ATP2C1: variants seen among roughly 807,000 people sequenced by gnomAD.
ATP2C1 encodes the protein ATPase secretory pathway Ca2+ transporting 1.
A neutral mutation model predicts 120.5 loss-of-function variants in ATP2C1; 31 were observed. That is an observed-to-expected ratio of 0.26 (90% CI 0.19 to 0.35). The LOEUF (loss-of-function observed/expected upper bound fraction) is 0.35, where lower values mean the gene tolerates loss of function less well. Ranked by LOEUF, ATP2C1 falls within the 10% of genes least tolerant of loss-of-function variation. ATP2C1 has a pLI of 1.00. For synonymous variants in ATP2C1, 351 were observed against 358.7 expected (o/e 0.98, Z 0.24); for missense variants, 731 against 1,107.5 (o/e 0.66, Z 4.83).
chr3:130,971,945 T>A (rs1398976191), intron 17 of ATP2C1, among the ~76,000 whole-genome samples: 2 of 152,164 alleles, frequency 1.3e-5, no homozygotes, highest in Non-Finnish European at 2.9e-5. Flanking sequence ...CTACTGTCAT[T>A]CCCTAAGTAA....
intron 17 of ATP2C1, among the ~76,000 whole-genome samples, chr3:130,969,879 G>A (rs1343632028): frequency 2.6e-5 from 4 of 152,168 alleles, no homozygotes; most frequent in East Asian, 1.9e-4. Flanking sequence ...ATGACATACC[G>A]ATATTTTAAG....
chr3:130,928,501 C>T (rs185693539), intron 2 of ATP2C1, among the ~76,000 whole-genome samples: 2 of 152,250 alleles, frequency 1.3e-5, no homozygotes, highest in Admixed American at 1.3e-4. Flanking sequence ...GTAAGGCTGT[C>T]ATATTGCATG....
At chr3:130,866,302 A>G (rs1394786766) in intron 1 of ATP2C1, among the ~76,000 whole-genome samples, 1 of 152,226 alleles carries the variant, frequency 6.6e-6, no homozygotes, top group Non-Finnish European at 1.5e-5. Context: ...TCTGTCCCCA[A>G]CATAAAATTT....
At chr3:130,878,308 A>G (rs1429076450) in intron 1 of ATP2C1, among the ~76,000 whole-genome samples, 1 of 152,208 alleles carries the variant, frequency 6.6e-6, no homozygotes, top group Admixed American at 6.5e-5. Flanking sequence ...TAAAATGTTT[A>G]GCCCTAAGGT....
At chr3:130,890,007 T>C (rs1366046238), upstream of ATP2C1, among the ~76,000 whole-genome samples, 1 of 152,162 alleles carries the variant, frequency 6.6e-6, no homozygotes, top group Non-Finnish European at 1.5e-5. Flanking sequence ...AGCTTGGATT[T>C]TAGTTTGATC....
At chr3:130,865,420 C>T (rs1348650267) in intron 1 of ATP2C1, among the ~76,000 whole-genome samples, 1 of 152,112 alleles carries the variant, frequency 6.6e-6, no homozygotes, top group African/African-American at 2.4e-5. Flanking sequence ...GCTGAAATGG[C>T]TTAAGACTTT....
At position 131,001,488 on chromosome 3, in the gene ATP2C1, T is replaced by C. The variant is rs1268731384; in HGVS notation, c.*138T>C. The C allele has an allele frequency of 2.9e-6, 4 of 1,371,238 alleles. No homozygotes were observed. The highest frequency in any genetic ancestry group is 3.8e-6 in the Non-Finnish European group (4 of 1,061,496). 84.9% of individuals were successfully genotyped at this position (1,371,238 alleles called of 1,614,324 possible). On this transcript the variant is annotated 3_prime_UTR_variant, in exon 28 of 28. Transcript: ENST00000510168. ...AAAAATGAACATTAATGTTAAAGACTTAAGACTTTAACCTGCTGGCAGTCC... is the reference window on the plus strand; with the variant it reads ...AAAAATGAACATTAATGTTAAAGACCTAAGACTTTAACCTGCTGGCAGTCC...
chr3:130,967,382 A>G lies in ATP2C1; in HGVS notation c.1271A>G (p.Lys424Arg). The G allele has an allele frequency of 6.2e-7, 1 of 1,613,784 alleles. No individual in the cohort carries two copies. Among genetic ancestry groups the G allele is most frequent in the Non-Finnish European group, 8.5e-7 (1 of 1,179,762 alleles). Residue 424 changes from lysine (K) to arginine (R), a missense_variant, in exon 16 of 28, where the codon AAG becomes AGG. Transcript: ENST00000510168. ...AVIRNNTLMG[K>R]PTEGALIALA... ...ATTAGAAACAATACTCTAATGGGGAAGCCAACAGAAGGGGCCTTAATTGCT... is the reference window on the plus strand; with the variant it reads ...ATTAGAAACAATACTCTAATGGGGAGGCCAACAGAAGGGGCCTTAATTGCT...
chr3:130,879,433 G>C (rs920569857), intron 1 of ATP2C1, among the ~76,000 whole-genome samples: 67 of 151,908 alleles, frequency 4.4e-4, no homozygotes, highest in Non-Finnish European at 5.6e-4. Flanking sequence ...TTCAGATCCT[G>C]AATTGTTTTC....
At chr3:130,918,430 C>T in intron 2 of ATP2C1, 1 of 971,292 alleles carries the variant, frequency 1.0e-6, no homozygotes, top group Admixed American at 1.7e-5. Context: ...TGTACGGAAT[C>T]CCCACATCTG....
At chr3:130,978,102 T>G (rs1324335470) in intron 18 of ATP2C1, among the ~76,000 whole-genome samples, 1 of 152,186 alleles carries the variant, frequency 6.6e-6, no homozygotes, top group Non-Finnish European at 1.5e-5. Flanking sequence ...TAGGATTTGC[T>G]GACATATATT....
At chr3:130,948,971 C>G (rs1309607921) in intron 8 of ATP2C1, among the ~76,000 whole-genome samples, 2 of 152,142 alleles carry the variant, frequency 1.3e-5, no homozygotes, top group African/African-American at 2.4e-5. Context: ...TTTTCTACTG[C>G]TGCTCTGCCC....
chr3:130,903,997 A>G (rs534517624), intron 2 of ATP2C1, among the ~76,000 whole-genome samples: 1 of 152,176 alleles, frequency 6.6e-6, no homozygotes, highest in African/African-American at 2.4e-5. Context: ...CCAGAGTGGC[A>G]GTATAATTCA....
chr3:130,967,284 C>T, intron 15 of ATP2C1, 44 bp downstream of exon 15: 1 of 1,611,414 alleles, frequency 6.2e-7, no homozygotes. Flanking sequence ...TTCATAATAA[C>T]TTAAGACACA....
Position 130,894,402 on chromosome 3 carries a change from G to T in ATP2C1, c.-181+65G>T. 8.5e-7 allele frequency: 1 copy of T among 1,179,730 alleles called. No individual in the cohort carries two copies. Among genetic ancestry groups the T allele is most frequent in the South Asian group, 2.1e-5 (1 of 48,208 alleles). 73.1% of individuals were successfully genotyped at this position (1,179,730 alleles called of 1,614,324 possible). A position where few individuals can be genotyped will look rare whatever the true frequency, so the allele number is the denominator to read the frequency against. On this transcript the variant is annotated intron_variant, in intron 1 of 27. Transcript: ENST00000510168. The surrounding 1 kb of genome is among the most constrained non-coding windows in gnomAD (Gnocchi z 4.5). Reference sequence around the variant, plus strand: ...CTTCCAGGTTCTGAAGGAAGGGGAGGTTCGGGTATCCCCTGGATGGGGGGG... The same window carrying T: ...CTTCCAGGTTCTGAAGGAAGGGGAGTTTCGGGTATCCCCTGGATGGGGGGG...
chr3:130,984,430 C>G (rs1034448116), intron 20 of ATP2C1, among the ~76,000 whole-genome samples: 1 of 152,200 alleles, frequency 6.6e-6, no homozygotes. Flanking sequence ...GAAAAAGTTT[C>G]TGTTTATATT....
chr3:130,979,450 A>G (rs565934605), intron 19 of ATP2C1, 31 bp downstream of exon 19: 1 of 1,609,006 alleles, frequency 6.2e-7, no homozygotes, highest in African/African-American at 1.3e-5. Context: ...TTTGTTTTCG[A>G]TAGTTTTTCT....
chr3:130,902,310 T>G lies in ATP2C1; in HGVS notation c.6+7535T>G, dbSNP rs979473031. On this transcript the variant is annotated intron_variant, in intron 2 of 27. Coordinates refer to ENST00000510168, the MANE Select transcript of ATP2C1 (RefSeq NM_001378687.1). ...TTTTTTTTTTTTGTTTTTTTTTTTT[T>G]TTTTTTTTTTTTCTGAGAGGTGAGT... Among the ~76,000 whole-genome samples the G allele has an allele frequency of 3.8e-3, 407 of 107,998 alleles. 7 individuals are homozygous for G. Among genetic ancestry groups the G allele is most frequent in the Non-Finnish European group, 6.2e-3 (313 of 50,602 alleles). 70.9% of individuals were successfully genotyped at this position (107,998 alleles called of 152,430 possible).
intron 2 of ATP2C1, among the ~76,000 whole-genome samples, chr3:130,926,994 A>C (rs545274635): frequency 6.6e-6 from 1 of 152,202 alleles, no homozygotes; most frequent in Non-Finnish European, 1.5e-5. Context: ...CCACCTCTTC[A>C]GTCTGTAGCA....
Sources: gnomAD v4.1 joint callset for allele counts (sites outside exome capture counted in the v4.1 genomes callset) on GRCh38, gnomAD v4.1.1 for gene constraint, Gnocchi (gnomAD v3.1) non-coding constraint, MANE v1.5 for transcripts, NCBI Gene and HGNC (gene_info 2026-07-23, HGNC 2026-07-21) for gene names.